The following CNOT1 variants were observed in gnomAD, a reference collection of about 807,000 sequenced individuals.
CNOT1 encodes CCR4-NOT transcription complex subunit 1.
CNOT1 carries 15 observed loss-of-function variants against 273.8 expected under a neutral mutation model. The observed-to-expected ratio is 0.05, with a 90% CI of 0.04 to 0.08. The LOEUF (loss-of-function observed/expected upper bound fraction) is 0.08, where lower values mean the gene tolerates loss of function less well. Ranked by LOEUF, CNOT1 falls within the 10% of genes least tolerant of loss-of-function variation. The pLI is 1.00. For missense variants in CNOT1, 1,644 were observed against 2,912.2 expected, an observed-to-expected ratio of 0.56 and a Z score of 10.02; for synonymous variants, 1,022 against 1,005.5, an observed-to-expected ratio of 1.02 and a Z score of -0.31.
At chr16:58,545,748 A>C (rs1392727572) in intron 29 of CNOT1, among the ~76,000 whole-genome samples, 1 of 152,166 alleles carries the variant, frequency 6.6e-6, no homozygotes, top group Non-Finnish European at 1.5e-5. Context: ...GCCATGCCAT[A>C]TTGTCAGGCC....
At position 58,614,683 on chromosome 16, in the gene CNOT1, A is replaced by T. The variant is rs1041531142; in HGVS notation, c.-175+15045T>A. On this transcript the variant is annotated intron_variant, in intron 1 of 48. Coordinates refer to ENST00000317147, the MANE Select transcript of CNOT1 (RefSeq NM_016284.5). ...TCTCCCCTTGCTGATTTTGCTTTGT[A>T]TACTTTGCTATAGAAAAACACTTTT... 1.6e-5 allele frequency among the ~76,000 whole-genome samples: 2 copies of T among 125,204 alleles called. 1 individual carries two copies. The highest frequency in any genetic ancestry group is 3.8e-5 in the Non-Finnish European group (2 of 52,534). The allele number at this position is 125,204 out of a possible 152,430, so 82.1% of individuals were successfully genotyped here.
At chr16:58,529,897 T>C (rs1208486963) in intron 43 of CNOT1, among the ~76,000 whole-genome samples, 3 of 133,260 alleles carry the variant, frequency 2.3e-5, no homozygotes, top group Non-Finnish European at 3.3e-5. Flanking sequence ...CAAAATTCCA[T>C]CCACAATGAG....
intron 16 of CNOT1, among the ~76,000 whole-genome samples, chr16:58,568,354 G>A (rs1219636061): frequency 1.4e-5 from 2 of 144,862 alleles, no homozygotes; most frequent in Admixed American, 1.4e-4. Context: ...GGCAACAAGA[G>A]CGAAACTCCA....
chr16:58,587,759 A>AG (rs760806624), intron 4 of CNOT1, 21 bp downstream of exon 4: 33 of 1,610,546 alleles, frequency 2.0e-5, no homozygotes, highest in Admixed American at 3.4e-5. Context: ...TCACACTCTT[A>AG]AAGATAATAG....
intron 46 of CNOT1, 36 bp from the exon 47 acceptor site, chr16:58,523,538 T>C: frequency 6.2e-7 from 1 of 1,606,872 alleles, no homozygotes; most frequent in South Asian, 1.1e-5. Context: ...GGACTTAGTC[T>C]GAAAGGCCAA....
Position 58,531,967 on chromosome 16 carries a change from T to G in CNOT1, c.6168A>C (p.Pro2056=), listed in dbSNP as rs779159730. The G allele has an allele frequency of 6.2e-7, 1 of 1,614,180 alleles. No individual in the cohort carries two copies. Among genetic ancestry groups the G allele is most frequent in the Admixed American group, 1.7e-5 (1 of 60,032 alleles). The change falls in exon 42 of 49, where the codon CCA becomes CCC. Residue 2056 remains proline (P), a synonymous_variant. Coordinates refer to ENST00000317147, the MANE Select transcript of CNOT1 (RefSeq NM_016284.5). The part of the protein sequence containing the change: ...IFIARMLAHT[P]QQKGWPMYAQ... ...TAAACTGCAGCCACACCTTCTGCTG[T>G]GGCGTATGTGCCAGCATTCTTGCAA...
chr16:58,557,381 C>T (rs1387865654), intron 18 of CNOT1, among the ~76,000 whole-genome samples: 1 of 152,128 alleles, frequency 6.6e-6, no homozygotes, highest in East Asian at 1.9e-4. Flanking sequence ...AGTCTCAAAA[C>T]TTCTTTATTC....
At chr16:58,598,570 G>A (rs562534915) in intron 2 of CNOT1, among the ~76,000 whole-genome samples, 1 of 151,116 alleles carries the variant, frequency 6.6e-6, no homozygotes, top group South Asian at 2.1e-4. Context: ...GCTCCTCCAG[G>A]AGGCAGAGAT....
chr16:58,522,624 C>G lies in CNOT1; in HGVS notation c.6917+746G>C, dbSNP rs77229565. ...GTCTAGGCAATCTGGCAACAGATTC[C>G]TAACTATTGTTAGGAAAATGCAAGT... On this transcript the variant is annotated intron_variant, in intron 47 of 48. Transcript: ENST00000317147. 5.8e-3 allele frequency among the ~76,000 whole-genome samples: 878 copies of G among 152,234 alleles called. 6 individuals carry two copies. The highest frequency in any genetic ancestry group is 7.1e-3 in the Non-Finnish European group (481 of 67,994).
chr16:58,625,160 T>C (rs1597630678), intron 1 of CNOT1, among the ~76,000 whole-genome samples: 1 of 149,808 alleles, frequency 6.7e-6, no homozygotes, highest in Non-Finnish European at 1.5e-5. Context: ...CTGAGGCAGG[T>C]AGATCACTTG....
Position 58,582,844 on chromosome 16 carries a change from T to C in CNOT1, c.993A>G (p.Ala331=). ...WSDGKDKSDG[A]QAHTWNVEVL... ...CTTCTACATTCCATGTGTGTGCCTGTGCTCCATCACTTTTATCTTTCCCAT... is the reference window on the plus strand; with the variant it reads ...CTTCTACATTCCATGTGTGTGCCTGCGCTCCATCACTTTTATCTTTCCCAT... The change falls in exon 10 of 49, where the codon GCA becomes GCG. Residue 331 remains alanine, a synonymous_variant. Transcript: ENST00000317147. 1 of 1,591,808 alleles carries C rather than the reference T, an allele frequency of 6.3e-7. No individual in the cohort carries two copies. The highest frequency in any genetic ancestry group is 8.6e-7 in the Non-Finnish European group (1 of 1,159,712).
At chr16:58,594,871 C>T (rs1382650482) in intron 2 of CNOT1, among the ~76,000 whole-genome samples, 2 of 150,110 alleles carry the variant, frequency 1.3e-5, no homozygotes, top group African/African-American at 4.9e-5. Context: ...AATCCCAGCA[C>T]TTTGGGAGGC....
chr16:58,591,751 T>C (rs1306513250), intron 2 of CNOT1, among the ~76,000 whole-genome samples: 1 of 149,108 alleles, frequency 6.7e-6, no homozygotes, highest in African/African-American at 2.5e-5. Context: ...CAAAACTCCG[T>C]CTCGAAAAAA....
At chr16:58,608,297 G>A (rs1004983557) in intron 1 of CNOT1, among the ~76,000 whole-genome samples, 2 of 152,138 alleles carry the variant, frequency 1.3e-5, no homozygotes, top group African/African-American at 4.8e-5. Context: ...GGCTCACAAC[G>A]TAATCCCAGT....
intron 33 of CNOT1, among the ~76,000 whole-genome samples, chr16:58,541,877 C>G (rs2040106219): frequency 6.6e-6 from 1 of 152,170 alleles, no homozygotes; most frequent in African/African-American, 2.4e-5. Context: ...TGGGACGATG[C>G]CAGTGCAATT....
Position 58,539,816 on chromosome 16 carries a change from T to C in CNOT1, c.4944A>G (p.Leu1648=), listed in dbSNP as rs200321615. The change falls in exon 35 of 49, where the codon TTA becomes TTG. Residue 1648 remains leucine, a synonymous_variant. Coordinates refer to ENST00000317147, the MANE Select transcript of CNOT1 (RefSeq NM_016284.5). The part of the protein sequence containing the change: ...ALRSLLEVVV[L]SRNSRDAIAA... Reference sequence around the variant, plus strand: ...CTATGGCATCCCGAGAGTTTCGAGATAAAACTACAACCTCCAAGAGACTTC... The same window carrying C: ...CTATGGCATCCCGAGAGTTTCGAGACAAAACTACAACCTCCAAGAGACTTC... The C allele has an allele frequency of 1.9e-6, 3 of 1,614,076 alleles. No individual in the cohort carries two copies. The highest frequency in any genetic ancestry group is 2.5e-6 in the Non-Finnish European group (3 of 1,180,008).
intron 16 of CNOT1, among the ~76,000 whole-genome samples, chr16:58,560,796 G>A (rs975483762): frequency 2.0e-5 from 3 of 152,304 alleles, no homozygotes; most frequent in Admixed American, 6.5e-5. Context: ...AGGCCAAGGC[G>A]GGGGTATTGC....
chr16:58,542,565 C>T lies in CNOT1; in HGVS notation c.4438G>A (p.Ala1480Thr), dbSNP rs1597425066. ...KNSFASALRT[A>T]SPQQREMMDQ... ...ATCATTTCTCTTTGTTGTGGGGAAG[C>T]AGTCTATTAATGGAGGTGGGTGGGG... Residue 1480 changes from alanine to threonine, a missense_variant, in exon 32 of 49, where the codon GCT becomes ACT. Around this residue, in one of 13 missense-constraint regions of CNOT1, gnomAD observed 133 missense variants for 230.4 expected, o/e 0.58. Coordinates refer to ENST00000317147, the MANE Select transcript of CNOT1 (RefSeq NM_016284.5). The T allele has an allele frequency of 7.9e-6, 4 of 508,434 alleles. No individual in the cohort carries two copies. In the East Asian group the frequency reaches 2.5e-4, roughly 32 times the overall value. The allele number at this position is 508,434 out of a possible 1,614,324, so 31.5% of individuals were successfully genotyped here.
chr16:58,559,260 C>A (rs4784048), intron 17 of CNOT1, among the ~76,000 whole-genome samples: 55,132 of 151,878 alleles, frequency 0.36, 11,038 homozygotes, highest in Non-Finnish European at 0.46. Context: ...CAACCTATAA[C>A]AGAGCCATAA....
Sources: gnomAD v4.1 joint callset for allele counts (sites outside exome capture counted in the v4.1 genomes callset) on GRCh38, gnomAD v4.1.1 for gene constraint, gnomAD v4.1.1 regional missense constraint, MANE v1.5 for transcripts, NCBI Gene and HGNC (gene_info 2026-07-23, HGNC 2026-07-21) for gene names.